KIFC3: variants seen among roughly 807,000 people sequenced by gnomAD.
KIFC3 encodes kinesin family member C3.
A neutral mutation model predicts 101.8 loss-of-function variants in KIFC3; 60 were observed. The observed-to-expected ratio is 0.59, with a 90% CI of 0.48 to 0.73. KIFC3 has a LOEUF of 0.73. Ranked by LOEUF, KIFC3 falls within the 30% of genes least tolerant of loss-of-function variation. The probability of loss-of-function intolerance (pLI) is 0.00; values close to 1 mark genes in which losing one functional copy is unlikely to be tolerated. For synonymous variants in KIFC3, 476 were observed against 482.7 expected (o/e 0.99, Z 0.18); for missense variants, 966 against 1,137.1 (o/e 0.85, Z 2.16).
chr16:57,776,288 C>G (rs546910829), intron 3 of KIFC3: 14 of 985,496 alleles, frequency 1.4e-5, no homozygotes, highest in Non-Finnish European at 1.7e-5. Flanking sequence ...TGGGAGCACA[C>G]CCTGTGGAGC....
intron 13 of KIFC3, among the ~76,000 whole-genome samples, 168 bp from the exon 14 acceptor site, chr16:57,761,704 C>T (rs1033069379): frequency 8.5e-5 from 13 of 152,066 alleles, no homozygotes; most frequent in Non-Finnish European, 1.9e-4. Flanking sequence ...CAGCTGAAGA[C>T]GTGGAGATCT....
At chr16:57,810,343 C>G (rs1210683537) in intron 1 of KIFC3, among the ~76,000 whole-genome samples, 4 of 152,226 alleles carry the variant, frequency 2.6e-5, no homozygotes, top group African/African-American at 9.6e-5. Context: ...CTTCGCTTTG[C>G]TGAGGTTCTG....
At chr16:57,840,945 G>T (rs761529983) in intron 1 of KIFC3, among the ~76,000 whole-genome samples, 1 of 151,974 alleles carries the variant, frequency 6.6e-6, no homozygotes, top group Admixed American at 6.6e-5. Context: ...TCCACACTCC[G>T]GCTTTCTGGC....
At chr16:57,809,384 C>G (rs931810806) in intron 1 of KIFC3, among the ~76,000 whole-genome samples, 1 of 152,178 alleles carries the variant, frequency 6.6e-6, no homozygotes, top group Non-Finnish European at 1.5e-5. Flanking sequence ...CAGCCTTAAA[C>G]TCCTGAGTTG....
At position 57,769,110 on chromosome 16, in the gene KIFC3, C is replaced by T. The variant is rs11866228; in HGVS notation, c.1218+485G>A. Among the ~76,000 whole-genome samples, 14,313 of 152,170 alleles carry T rather than the reference C, an allele frequency of 0.094. 731 individuals are homozygous for T. Among genetic ancestry groups the T allele is most frequent in the Middle Eastern group, 0.14 (40 of 292 alleles). On this transcript the variant is annotated intron_variant, in intron 9 of 19. Coordinates refer to ENST00000445690, the MANE Select transcript of KIFC3 (RefSeq NM_001130100.2). This position sits in a 1 kb window ranked among gnomAD's most constrained non-coding sequence, Gnocchi z 4.3. ...GTGCAGTGGCATGATCTTGGTTCAC[C>T]GCAACCTCCGCCTTCTGGGTTCAAG...
intron 2 of KIFC3, 26 bp downstream of exon 2, chr16:57,798,046 G>C (rs782561401): frequency 1.3e-6 from 2 of 1,579,668 alleles, no homozygotes; most frequent in East Asian, 2.3e-5. Flanking sequence ...GGGAAATAAA[G>C]AGGCATTTTA....
rs1555624210 is a variant in KIFC3 at position 57,798,311 on chromosome 16, T to C, written c.-39-29A>G. The C allele has an allele frequency of 3.3e-6, 5 of 1,532,470 alleles. No individual in the cohort carries two copies. In the East Asian group the frequency reaches 1.2e-4, roughly 37 times the overall value. The allele number at this position is 1,532,470 out of a possible 1,614,324, so 94.9% of individuals were successfully genotyped here. A position where few individuals can be genotyped will look rare whatever the true frequency, so the allele number is the denominator to read the frequency against. Reference sequence around the variant, plus strand: ...CGGAGAGAACAAGGGGAGATAAGCTTGAAGACCGTGGACCAGCACAACTGC... The same window carrying C: ...CGGAGAGAACAAGGGGAGATAAGCTCGAAGACCGTGGACCAGCACAACTGC... On this transcript the variant is annotated intron_variant, in intron 1 of 19. Transcript: ENST00000445690.
intron 1 of KIFC3, among the ~76,000 whole-genome samples, chr16:57,840,777 A>AAT (rs549535709): frequency 0.08 from 11,999 of 150,790 alleles, 874 homozygotes; most frequent in East Asian, 0.2. Flanking sequence ...AAAAAAAAAA[A>AAT]AGTTAAAATA....
intron 1 of KIFC3, among the ~76,000 whole-genome samples, chr16:57,848,695 G>A (rs947138528): frequency 3.6e-4 from 55 of 152,154 alleles, no homozygotes; most frequent in Admixed American, 2.0e-4. Flanking sequence ...CTGCTAAAAT[G>A]TCTCTCTTGC....
intron 3 of KIFC3, chr16:57,774,747 GA>G: frequency 1.7e-6 from 1 of 584,366 alleles, no homozygotes; most frequent in Non-Finnish European, 2.6e-6. Context: ...AGCTGGCCTT[GA>G]ATTCCTGGCC....
chr16:57,831,062 A>G (rs1555479247), intron 1 of KIFC3, among the ~76,000 whole-genome samples: 1 of 152,194 alleles, frequency 6.6e-6, no homozygotes, highest in Non-Finnish European at 1.5e-5. Flanking sequence ...GCCACACTTG[A>G]GCCTTGCAAG....
intron 3 of KIFC3, chr16:57,785,390 G>C (rs1051621804): frequency 2.5e-5 from 23 of 934,330 alleles, no homozygotes; most frequent in Admixed American, 3.5e-5. Flanking sequence ...GGTGGGGTCA[G>C]GTGCCCAGGT....
chr16:57,788,696 C>T, intron 3 of KIFC3: 1 of 1,289,634 alleles, frequency 7.8e-7, no homozygotes, highest in Non-Finnish European at 1.0e-6. Flanking sequence ...TCTTGCACCC[C>T]TTGTCCTGCA....
At chr16:57,791,745 G>A (rs1049578402) in intron 3 of KIFC3, among the ~76,000 whole-genome samples, 1 of 152,152 alleles carries the variant, frequency 6.6e-6, no homozygotes, top group Non-Finnish European at 1.5e-5. Flanking sequence ...CACCCAACTC[G>A]AGGCTGTGGG....
intron 1 of KIFC3, among the ~76,000 whole-genome samples, chr16:57,821,341 G>C (rs533131893): frequency 6.6e-6 from 1 of 152,134 alleles, no homozygotes; most frequent in African/African-American, 2.4e-5. Flanking sequence ...CTTGCGAAAG[G>C]ATGTTCTGTC....
At chr16:57,777,149 A>AAATATTGTATGC (rs1678934209) in intron 3 of KIFC3, 1 of 152,172 alleles carries the variant, frequency 6.6e-6, no homozygotes, top group Admixed American at 6.5e-5. Flanking sequence ...AACAAAGGTT[A>AAATATTGTATGC]AATATTGTAT....
At position 57,764,808 on chromosome 16, in the gene KIFC3, G is replaced by A. The variant is rs559757886; in HGVS notation, c.1513-561C>T. 3.6e-4 allele frequency among the ~76,000 whole-genome samples: 55 copies of A among 152,222 alleles called. No homozygotes were observed. The South Asian group carries it at 6.2e-3, about 17-fold the overall frequency. ...ATGGGCAGGGTCATGAAGATGGATGGGGCCATGTGGGTGGCCATGGGGGTG... is the reference window on the plus strand; with the variant it reads ...ATGGGCAGGGTCATGAAGATGGATGAGGCCATGTGGGTGGCCATGGGGGTG... On this transcript the variant is annotated intron_variant, in intron 11 of 19. Coordinates refer to ENST00000445690, the MANE Select transcript of KIFC3 (RefSeq NM_001130100.2).
intron 3 of KIFC3, among the ~76,000 whole-genome samples, chr16:57,772,567 C>T (rs1474737979): frequency 6.6e-6 from 1 of 152,170 alleles, no homozygotes; most frequent in African/African-American, 2.4e-5. Flanking sequence ...CCAAGGCCAC[C>T]CCGATGCCCC....
At chr16:57,851,080 C>A (rs2562096) in intron 1 of KIFC3, among the ~76,000 whole-genome samples, 89,404 of 151,096 alleles carry the variant, frequency 0.59, 27,544 homozygotes, top group Non-Finnish European at 0.69. Flanking sequence ...GTGTGATCAC[C>A]GCTCACTGCA....
Sources: gnomAD v4.1 joint callset for allele counts (sites outside exome capture counted in the v4.1 genomes callset) on GRCh38, gnomAD v4.1.1 for gene constraint, Gnocchi (gnomAD v3.1) non-coding constraint, MANE v1.5 for transcripts, NCBI Gene and HGNC (gene_info 2026-07-23, HGNC 2026-07-21) for gene names.